The following DCC variants were observed in gnomAD, a reference collection of about 807,000 sequenced individuals.
DCC encodes netrin receptor DCC.
Under a neutral mutation model 172.5 loss-of-function variants are expected in DCC, and 58 were observed. That is an observed-to-expected ratio of 0.34 (90% CI 0.27 to 0.42). The LOEUF (loss-of-function observed/expected upper bound fraction) is 0.42. Among genes scored for constraint, DCC ranks in the 10% least tolerant of loss-of-function variants. DCC has a pLI of 1.00. For synonymous variants in DCC, 709 were observed against 644.5 expected (o/e 1.10, Z -1.52); for missense variants, 1,740 against 1,791.0 (o/e 0.97, Z 0.51).
intron 1 of DCC, among the ~76,000 whole-genome samples, chr18:52,677,657 G>T (rs527425958): frequency 6.6e-6 from 1 of 152,028 alleles, no homozygotes; most frequent in Non-Finnish European, 1.5e-5. Context: ...AGACTTGAGG[G>T]CAGAATGAGA....
At chr18:52,598,671 TGGTA>T (rs916948423) in intron 1 of DCC, among the ~76,000 whole-genome samples, 3 of 152,212 alleles carry the variant, frequency 2.0e-5, no homozygotes, top group Non-Finnish European at 4.4e-5. Flanking sequence ...ATATGGAATT[TGGTA>T]GTCAAATGAA....
chr18:53,081,433 A>T (rs2042801153), intron 7 of DCC, among the ~76,000 whole-genome samples: 1 of 152,002 alleles, frequency 6.6e-6, no homozygotes, highest in Non-Finnish European at 1.5e-5. Context: ...CCAAACAATG[A>T]TTTAGAATCT....
chr18:52,889,187 A>C (rs905926728), intron 2 of DCC, among the ~76,000 whole-genome samples: 1 of 152,072 alleles, frequency 6.6e-6, no homozygotes. Flanking sequence ...TTACTTTTTC[A>C]TATTCATTAT....
chr18:53,032,629 T>G (rs1414136556), intron 5 of DCC, among the ~76,000 whole-genome samples: 1 of 152,134 alleles, frequency 6.6e-6, no homozygotes, highest in Non-Finnish European at 1.5e-5. Flanking sequence ...TTTCCACACT[T>G]AATAATTTTG....
chr18:53,499,224 G>T, intron 26 of DCC, 74 bp from the exon 27 acceptor site: 1 of 1,435,596 alleles, frequency 7.0e-7, no homozygotes, highest in Non-Finnish European at 9.8e-7. Context: ...ATGGATGCAG[G>T]GACTGTTCCA....
At chr18:52,998,412 T>C (rs1346019084) in intron 5 of DCC, among the ~76,000 whole-genome samples, 1 of 152,048 alleles carries the variant, frequency 6.6e-6, no homozygotes, top group Non-Finnish European at 1.5e-5. Context: ...AATGCATCGC[T>C]CTAGACACGA....
At chr18:52,615,864 T>A (rs1173807023) in intron 1 of DCC, among the ~76,000 whole-genome samples, 1 of 152,122 alleles carries the variant, frequency 6.6e-6, no homozygotes, top group Non-Finnish European at 1.5e-5. Context: ...TTTTTCTTAG[T>A]TTACAGAAAT....
chr18:52,782,995 T>G (rs1310161745), intron 2 of DCC, among the ~76,000 whole-genome samples: 5 of 152,084 alleles, frequency 3.3e-5, no homozygotes, highest in African/African-American at 1.2e-4. Flanking sequence ...GGTGCCCTGT[T>G]AGAGTAAAGG....
chr18:53,292,661 C>A (rs1247546378), intron 12 of DCC, among the ~76,000 whole-genome samples: 1 of 152,136 alleles, frequency 6.6e-6, no homozygotes, highest in East Asian at 1.9e-4. Flanking sequence ...TGCACTCCAG[C>A]CTGGGTGACA....
At chr18:52,438,817 G>A (rs560010645) in intron 1 of DCC, among the ~76,000 whole-genome samples, 18 of 152,260 alleles carry the variant, frequency 1.2e-4, no homozygotes, top group Non-Finnish European at 2.1e-4. Flanking sequence ...AATTCCTTGA[G>A]TTGTGTTATG....
At chr18:52,643,077 A>G (rs1206387309) in intron 1 of DCC, among the ~76,000 whole-genome samples, 1 of 152,232 alleles carries the variant, frequency 6.6e-6, no homozygotes, top group Non-Finnish European at 1.5e-5. Context: ...TTTTATAAAT[A>G]TCTGAAGGAA....
At position 53,459,416 on chromosome 18, in the gene DCC, C is replaced by G; in HGVS notation, c.3577C>G (p.Gln1193Glu). 6.2e-7 allele frequency: 1 copy of G among 1,613,900 alleles called. No individual in the cohort carries two copies. The highest frequency in any genetic ancestry group is 8.5e-7 in the Non-Finnish European group (1 of 1,179,878). ...AGACCTCACACCAGTCAGCCACAGC[C>G]AGTCAGAAACCCAACTGGGAAGCAA... is the stretch of plus-strand genomic sequence containing the variant. ...CQDLTPVSHS[Q>E]SETQLGSKST... Residue 1193 changes from glutamine to glutamate, a missense_variant, in exon 24 of 29, where the codon CAG (glutamine) becomes GAG (glutamate). Transcript: ENST00000442544.
chr18:52,942,336 T>A (rs147417624), intron 5 of DCC, among the ~76,000 whole-genome samples: 7 of 152,198 alleles, frequency 4.6e-5, no homozygotes, highest in African/African-American at 1.7e-4. Context: ...TCTAATACAT[T>A]ATTTCTTTAA....
At chr18:52,421,721 G>A (rs1043074840) in intron 1 of DCC, among the ~76,000 whole-genome samples, 1 of 152,202 alleles carries the variant, frequency 6.6e-6, no homozygotes, top group Non-Finnish European at 1.5e-5. Context: ...TAATTCCCCA[G>A]GTTGGTGGTC....
At chr18:52,865,855 A>G (rs1568155227) in intron 2 of DCC, among the ~76,000 whole-genome samples, 1 of 152,070 alleles carries the variant, frequency 6.6e-6, no homozygotes, top group Admixed American at 6.6e-5. Flanking sequence ...TACCCTGTTC[A>G]CTCTGATGAG....
At chr18:52,951,249 A>C (rs886713631) in intron 5 of DCC, among the ~76,000 whole-genome samples, 2 of 152,154 alleles carry the variant, frequency 1.3e-5, no homozygotes, top group South Asian at 4.1e-4. Context: ...ACCTGCCTCC[A>C]TAGGGCATAT....
chr18:52,885,437 C>A (rs1483647250), intron 2 of DCC, among the ~76,000 whole-genome samples: 1 of 152,180 alleles, frequency 6.6e-6, no homozygotes, highest in Non-Finnish European at 1.5e-5. Context: ...GTGGCCACCA[C>A]TACCACCAGC....
intron 7 of DCC, among the ~76,000 whole-genome samples, chr18:53,075,386 T>C (rs553852217): frequency 3.9e-5 from 6 of 152,342 alleles, no homozygotes; most frequent in African/African-American, 1.4e-4. Context: ...AGGATATGGC[T>C]GTATGGCAGA....
chr18:53,227,476 A>G (rs1598925083), intron 12 of DCC, among the ~76,000 whole-genome samples: 1 of 152,212 alleles, frequency 6.6e-6, no homozygotes, highest in African/African-American at 2.4e-5. Flanking sequence ...TGTTCAAAAC[A>G]TTACCCAGTC....
Sources: gnomAD v4.1 joint callset for allele counts (sites outside exome capture counted in the v4.1 genomes callset) on GRCh38, gnomAD v4.1.1 for gene constraint, MANE v1.5 for transcripts, NCBI Gene and HGNC (gene_info 2026-07-23, HGNC 2026-07-21) for gene names.